Variants in PDE10A observed in about 807,000 individuals in gnomAD.
PDE10A encodes phosphodiesterase 10A.
Under a neutral mutation model 97.7 loss-of-function variants are expected in PDE10A, and 39 were observed. That is an observed-to-expected ratio of 0.40 (90% CI 0.31 to 0.52). PDE10A has a LOEUF of 0.52. PDE10A is among the 20% of genes least tolerant of loss of function. The probability of loss-of-function intolerance (pLI) is 0.56; values close to 1 mark genes in which losing one functional copy is unlikely to be tolerated. For missense variants in PDE10A, 731 were observed against 1,047.8 expected, an observed-to-expected ratio of 0.70 and a Z score of 4.17; for synonymous variants, 371 against 376.8, an observed-to-expected ratio of 0.98 and a Z score of 0.18.
At chr6:165,609,634 T>A (rs1228396399) in intron 1 of PDE10A, among the ~76,000 whole-genome samples, 1 of 152,204 alleles carries the variant, frequency 6.6e-6, no homozygotes, top group African/African-American at 2.4e-5. Context: ...AAAATCTCCT[T>A]AAGCTGATAG....
intron 1 of PDE10A, among the ~76,000 whole-genome samples, chr6:165,639,104 G>A (rs1360635309): frequency 2.9e-5 from 4 of 135,794 alleles, no homozygotes; most frequent in Non-Finnish European, 3.3e-5. Context: ...AAGGAAAGCA[G>A]GCAGGCGGCA....
intron 5 of PDE10A, among the ~76,000 whole-genome samples, chr6:165,448,027 T>A (rs1028451671): frequency 2.0e-5 from 3 of 152,236 alleles, no homozygotes; most frequent in Non-Finnish European, 4.4e-5. Context: ...AATCTCAGAA[T>A]GCTTTTGTCT....
intron 1 of PDE10A, among the ~76,000 whole-genome samples, chr6:165,905,939 T>C (rs1007964465): frequency 6.7e-6 from 1 of 149,374 alleles, no homozygotes; most frequent in Non-Finnish European, 1.5e-5. Flanking sequence ...TATAAAACAA[T>C]TTTTTTCCTT....
rs186578172 is a variant in PDE10A, at chr6:165,374,312, T to C, written c.2783+4882A>G. 2.5e-3 allele frequency among the ~76,000 whole-genome samples: 385 copies of C among 152,054 alleles called. 5 individuals are homozygous for C. Among genetic ancestry groups the C allele is most frequent in the East Asian group, 9.6e-4 (5 of 5,188 alleles). On this transcript the variant is annotated intron_variant, in intron 18 of 21. Transcript: ENST00000539869. ...TTTGTTACTATGAGACTTGATTTCT[T>C]TAAAAGATCAAAAATTTGTCCTCCT...
intron 1 of PDE10A, among the ~76,000 whole-genome samples, chr6:165,888,735 G>A (rs1781699359): frequency 6.6e-6 from 1 of 152,202 alleles, no homozygotes; most frequent in Non-Finnish European, 1.5e-5. Flanking sequence ...CCTAAGAAAT[G>A]CAGAACATTG....
At chr6:165,700,054 A>C (rs1168682617) in intron 1 of PDE10A, among the ~76,000 whole-genome samples, 3 of 152,260 alleles carry the variant, frequency 2.0e-5, no homozygotes, top group African/African-American at 7.2e-5. Context: ...ACAAATGTTT[A>C]TAGCAGCATA....
At chr6:165,978,744 A>G (rs1325103760) in intron 1 of PDE10A, among the ~76,000 whole-genome samples, 1 of 152,200 alleles carries the variant, frequency 6.6e-6, no homozygotes, top group Non-Finnish European at 1.5e-5. Context: ...ACATTTGAAT[A>G]TGTGCTCCCA....
chr6:165,492,543 A>T (rs551917094), intron 2 of PDE10A, among the ~76,000 whole-genome samples: 1 of 152,318 alleles, frequency 6.6e-6, no homozygotes, highest in East Asian at 1.9e-4. Context: ...AACATTCACA[A>T]GTCAATAAAT....
intron 1 of PDE10A, among the ~76,000 whole-genome samples, chr6:165,845,112 G>A (rs925034010): frequency 1.1e-4 from 17 of 152,172 alleles, no homozygotes; most frequent in African/African-American, 4.1e-4. Flanking sequence ...TACTTGATGG[G>A]CTATGAGAGC....
intron 1 of PDE10A, among the ~76,000 whole-genome samples, chr6:165,788,518 C>CAAAAAAAAAAAAAAAAAAAAAAA (rs56927613): frequency 2.7e-5 from 2 of 74,748 alleles, no homozygotes; most frequent in Non-Finnish European, 4.6e-5. Flanking sequence ...AACTCTGTCT[C>CAAAAAAAAAAAAAAAAAAAAAAA]AAAAAAAAAA....
intron 3 of PDE10A, among the ~76,000 whole-genome samples, chr6:165,453,100 T>C (rs1305417651): frequency 6.6e-6 from 1 of 152,140 alleles, no homozygotes; most frequent in Non-Finnish European, 1.5e-5. Context: ...TGTAGCCATG[T>C]CCCAGGGCTA....
intron 1 of PDE10A, among the ~76,000 whole-genome samples, chr6:165,719,187 T>C (rs1381681442): frequency 6.6e-6 from 1 of 152,022 alleles, no homozygotes; most frequent in African/African-American, 2.4e-5. Context: ...GAAAAGAAAT[T>C]ATTAAAGAAG....
intron 19 of PDE10A, among the ~76,000 whole-genome samples, chr6:165,340,972 G>A (rs3778248): frequency 0.15 from 22,234 of 152,114 alleles, 1,817 homozygotes; most frequent in East Asian, 0.27. Context: ...GTGCCAAAGC[G>A]GAATTTTAAT....
At chr6:165,389,608 G>A (rs62442153) in intron 16 of PDE10A, among the ~76,000 whole-genome samples, 28,491 of 152,172 alleles carry the variant, frequency 0.19, 3,196 homozygotes, top group African/African-American at 0.3. Flanking sequence ...AGACTGAGGC[G>A]AAGGAGTCTA....
chr6:165,725,222 G>A (rs1350640127), intron 1 of PDE10A, among the ~76,000 whole-genome samples: 1 of 152,152 alleles, frequency 6.6e-6, no homozygotes, highest in Non-Finnish European at 1.5e-5. Flanking sequence ...CGATTTTTCT[G>A]GTACACTAAG....
chr6:165,890,220 C>T (rs572503485), intron 1 of PDE10A, among the ~76,000 whole-genome samples: 21 of 151,424 alleles, frequency 1.4e-4, no homozygotes, highest in African/African-American at 5.1e-4. Context: ...AAAAAGTCAC[C>T]CCCAGACTTT....
chr6:165,633,162 A>G (rs1259151525), intron 1 of PDE10A, among the ~76,000 whole-genome samples: 1 of 152,204 alleles, frequency 6.6e-6, no homozygotes, highest in African/African-American at 2.4e-5. Context: ...AATAGAGCAA[A>G]TGCCTTTGGT....
intron 3 of PDE10A, among the ~76,000 whole-genome samples, chr6:165,454,971 C>A (rs1777862649): frequency 6.6e-6 from 1 of 152,058 alleles, no homozygotes. Flanking sequence ...AAGCAGGTCC[C>A]CTTGGAGAAG....
intron 18 of PDE10A, among the ~76,000 whole-genome samples, chr6:165,369,192 A>G (rs368895927): frequency 6.6e-6 from 1 of 151,920 alleles, no homozygotes; most frequent in African/African-American, 2.4e-5. Flanking sequence ...CCAAAGGAAC[A>G]CAGTTCCTCA....
Sources: gnomAD v4.1 joint callset for allele counts (sites outside exome capture counted in the v4.1 genomes callset) on GRCh38, gnomAD v4.1.1 for gene constraint, MANE v1.5 for transcripts, NCBI Gene and HGNC (gene_info 2026-07-23, HGNC 2026-07-21) for gene names.